Variants in ANKRD31 observed in about 807,000 individuals in gnomAD.
ANKRD31 encodes ankyrin repeat domain 31, also known as ankyrin repeat domain-containing protein 31.
Under a neutral mutation model 186.0 loss-of-function variants are expected in ANKRD31, and 147 were observed. The ratio of observed to expected loss-of-function variants is 0.79; its 90% confidence interval spans 0.69 to 0.91. ANKRD31 has a LOEUF of 0.91. Ranked by LOEUF, ANKRD31 falls within the 40% of genes least tolerant of loss-of-function variation. The pLI, the probability that ANKRD31 is intolerant of heterozygous loss-of-function variation, is 0.00. For synonymous variants in ANKRD31, 673 were observed against 736.4 expected (o/e 0.91, Z 1.39); for missense variants, 1,986 against 2,148.8 (o/e 0.92, Z 1.50).
At chr5:75,203,673 A>AAAAAAAAG (rs1554092026) in intron 5 of ANKRD31, among the ~76,000 whole-genome samples, 1 of 148,238 alleles carries the variant, frequency 6.7e-6, no homozygotes, top group African/African-American at 2.5e-5. Context: ...AAAAAAAAAA[A>AAAAAAAAG]AAAAGAAAAG....
chr5:75,160,992 G>C (rs984887826), intron 11 of ANKRD31, among the ~76,000 whole-genome samples: 4 of 152,124 alleles, frequency 2.6e-5, no homozygotes, highest in African/African-American at 9.7e-5. Context: ...AAATTGCCCA[G>C]TCTTGGGTAT....
intron 17 of ANKRD31, among the ~76,000 whole-genome samples, chr5:75,125,340 C>T (rs775445979): frequency 2.0e-4 from 30 of 152,072 alleles, no homozygotes; most frequent in Non-Finnish European, 3.4e-4. Flanking sequence ...TTTTATTTAT[C>T]TGTTTTTAAA....
chr5:75,209,275 T>C (rs1009982531), intron 4 of ANKRD31, among the ~76,000 whole-genome samples: 1 of 152,136 alleles, frequency 6.6e-6, no homozygotes, highest in African/African-American at 2.4e-5. Flanking sequence ...TGTTGACATA[T>C]TTTATTATAA....
At chr5:75,102,756 G>T (rs958179545) in intron 22 of ANKRD31, among the ~76,000 whole-genome samples, 1 of 152,174 alleles carries the variant, frequency 6.6e-6, no homozygotes, top group Non-Finnish European at 1.5e-5. Flanking sequence ...ATCTCCTGGT[G>T]TGCCGTTTGC....
intron 15 of ANKRD31, among the ~76,000 whole-genome samples, chr5:75,139,438 T>C (rs933584730): frequency 5.9e-5 from 9 of 152,246 alleles, no homozygotes; most frequent in Non-Finnish European, 1.2e-4. Flanking sequence ...AAATGTGCTG[T>C]ACAATATCAT....
Position 75,107,584 on chromosome 5 carries a change from T to C in ANKRD31, c.4277A>G (p.Lys1426Arg). Residue 1426 changes from lysine to arginine, a missense_variant, in exon 21 of 26, where the codon AAG becomes AGG. Coordinates refer to ENST00000506364, the MANE Select transcript of ANKRD31 (RefSeq NM_001372053.1). ...CTTGGCAAGCACATTATCCATAATC[T>C]TTTTTATCTTTAACATCTTTTCAAT... ...QYIEKMLKIK[K>R]IMDNVLAKQK... 3.3e-6 allele frequency: 5 copies of C among 1,530,988 alleles called. No individual in the cohort carries two copies. The highest frequency in any genetic ancestry group is 1.4e-5 in the African/African-American group (1 of 72,882). The allele number at this position is 1,530,988 out of a possible 1,614,324, so 94.8% of individuals were successfully genotyped here.
At chr5:75,103,878 A>G (rs1233469042) in intron 22 of ANKRD31, among the ~76,000 whole-genome samples, 2 of 152,248 alleles carry the variant, frequency 1.3e-5, no homozygotes, top group African/African-American at 4.8e-5. Flanking sequence ...GGAGAGCATT[A>G]GGAAAAATAG....
At chr5:75,135,624 T>A (rs1004318144) in intron 17 of ANKRD31, among the ~76,000 whole-genome samples, 64 of 152,260 alleles carry the variant, frequency 4.2e-4, no homozygotes, top group Non-Finnish European at 4.9e-4. Context: ...GCCATCCCCA[T>A]CAAGCTACCA....
intron 11 of ANKRD31, among the ~76,000 whole-genome samples, chr5:75,160,694 C>T (rs1272284367): frequency 6.6e-6 from 1 of 152,108 alleles, no homozygotes; most frequent in Non-Finnish European, 1.5e-5. Context: ...CTCTGTGTCC[C>T]CACTCAAATC....
At chr5:75,155,463 T>G (rs138128256) in intron 11 of ANKRD31, among the ~76,000 whole-genome samples, 1 of 152,326 alleles carries the variant, frequency 6.6e-6, no homozygotes, top group African/African-American at 2.4e-5. Context: ...GAACATACTA[T>G]AATTTATTTC....
rs1450793032 is a variant in ANKRD31, at chr5:75,137,921, C to A, written c.3811G>T (p.Val1271Phe). ...IVELLKAGAK[V>F]NCENIDGILP... ...ATTCCATCTATATTTTCACAATTAA[C>A]CTTAGCACCAGCTTTTAATAACTCT... The change falls in exon 17 of 26, where the codon GTT becomes TTT. Residue 1271 changes from valine (V) to phenylalanine (F), a missense_variant. Val to Phe is a conservative substitution (Grantham distance 50). Transcript: ENST00000506364. 6.5e-7 allele frequency: 1 copy of A among 1,533,956 alleles called. No homozygotes were observed. Among genetic ancestry groups the A allele is most frequent in the Admixed American group, 2.0e-5 (1 of 50,714 alleles).
chr5:75,133,754 C>T (rs12052507), intron 17 of ANKRD31, among the ~76,000 whole-genome samples: 1 of 152,306 alleles, frequency 6.6e-6, no homozygotes, highest in South Asian at 2.1e-4. Context: ...AAATTGACCA[C>T]ATAGTTGGAA....
At chr5:75,216,716 T>C (rs1270049139) in intron 3 of ANKRD31, among the ~76,000 whole-genome samples, 1 of 152,126 alleles carries the variant, frequency 6.6e-6, no homozygotes, top group Non-Finnish European at 1.5e-5. Flanking sequence ...GCTACTAAAA[T>C]GTATGTATCT....
At chr5:75,135,330 A>C (rs1307630714) in intron 17 of ANKRD31, among the ~76,000 whole-genome samples, 1 of 152,238 alleles carries the variant, frequency 6.6e-6, no homozygotes, top group Non-Finnish European at 1.5e-5. Flanking sequence ...TCAGGATACT[A>C]AATCAATGTG....
At chr5:75,205,019 C>T (rs1422833344) in intron 5 of ANKRD31, among the ~76,000 whole-genome samples, 1 of 145,836 alleles carries the variant, frequency 6.9e-6, no homozygotes, top group Non-Finnish European at 1.5e-5. Flanking sequence ...GCATGAACCA[C>T]CATAGCCTGG....
intron 10 of ANKRD31, among the ~76,000 whole-genome samples, chr5:75,178,778 A>G (rs1754029932): frequency 6.6e-6 from 1 of 152,234 alleles, no homozygotes; most frequent in Non-Finnish European, 1.5e-5. Context: ...CACAAGAGAA[A>G]GCAGGAAACA....
intron 22 of ANKRD31, among the ~76,000 whole-genome samples, chr5:75,102,204 A>G (rs1441418704): frequency 6.6e-6 from 1 of 152,276 alleles, no homozygotes; most frequent in South Asian, 2.1e-4. Flanking sequence ...TCCACTCCAG[A>G]TCCTGTTTGC....
intron 9 of ANKRD31, among the ~76,000 whole-genome samples, chr5:75,190,844 G>A (rs971950649): frequency 6.6e-6 from 1 of 151,894 alleles, no homozygotes; most frequent in African/African-American, 2.4e-5. Context: ...ATACACCCCT[G>A]TTCTTTATCC....
intron 23 of ANKRD31, among the ~76,000 whole-genome samples, chr5:75,085,119 A>G (rs552487383): frequency 6.6e-6 from 1 of 152,304 alleles, no homozygotes; most frequent in East Asian, 1.9e-4. Flanking sequence ...CCCTTCCTCC[A>G]GGATGCCTCC....
Sources: allele counts gnomAD v4.1 joint callset (sites outside exome capture counted in the v4.1 genomes callset), GRCh38; gene constraint gnomAD v4.1.1; transcripts MANE v1.5; gene names NCBI Gene and HGNC (gene_info 2026-07-23, HGNC 2026-07-21).